The following PARD3 variants were observed in gnomAD, a reference collection of about 807,000 sequenced individuals.
PARD3 encodes the protein partitioning defective 3 homolog.
Under a neutral mutation model 155.4 loss-of-function variants are expected in PARD3, and 75 were observed. The observed-to-expected ratio is 0.48, with a 90% CI of 0.40 to 0.58. The LOEUF is 0.58. Ranked by LOEUF, PARD3 falls within the 20% of genes least tolerant of loss-of-function variation. The pLI is 0.00. For missense variants in PARD3, 1,642 were observed against 1,721.7 expected (o/e 0.95, Z 0.82); for synonymous variants, 576 against 610.5 (o/e 0.94, Z 0.83).
intron 1 of PARD3, among the ~76,000 whole-genome samples, chr10:34,812,464 A>T (rs1844310460): frequency 6.6e-6 from 1 of 152,258 alleles, no homozygotes; most frequent in South Asian, 2.1e-4. Context: ...ATAAAAGTTA[A>T]AACAGTGTTA....
intron 5 of PARD3, among the ~76,000 whole-genome samples, chr10:34,430,889 G>C (rs998899545): frequency 2.6e-5 from 4 of 152,192 alleles, no homozygotes; most frequent in African/African-American, 9.6e-5. Flanking sequence ...CACAGGGTGT[G>C]ACACAGAGGG....
chr10:34,619,776 T>C (rs2091515785), intron 2 of PARD3, among the ~76,000 whole-genome samples: 1 of 152,206 alleles, frequency 6.6e-6, no homozygotes, highest in Non-Finnish European at 1.5e-5. Context: ...ATATTTCTAC[T>C]GCTCACCCTT....
At chr10:34,454,548 AATG>A (rs747299904) in intron 4 of PARD3, among the ~76,000 whole-genome samples, 45 of 152,298 alleles carry the variant, frequency 3.0e-4, no homozygotes, top group Admixed American at 2.0e-3. Context: ...ACATAATTCT[AATG>A]ATTATAAAAC....
At chr10:34,380,831 T>C (rs1841747037) in intron 9 of PARD3, among the ~76,000 whole-genome samples, 2 of 152,196 alleles carry the variant, frequency 1.3e-5, no homozygotes, top group Non-Finnish European at 1.5e-5. Flanking sequence ...AGCAAAATAC[T>C]GTACCTTTGT....
chr10:34,756,948 G>C (rs1327376720), intron 1 of PARD3, among the ~76,000 whole-genome samples: 1 of 152,026 alleles, frequency 6.6e-6, no homozygotes, highest in African/African-American at 2.4e-5. Context: ...TCAAATTTTA[G>C]ACTCAAATCA....
At chr10:34,235,614 TGACTGACATA>T (rs1255642942) in intron 22 of PARD3, among the ~76,000 whole-genome samples, 2 of 152,244 alleles carry the variant, frequency 1.3e-5, no homozygotes, top group Non-Finnish European at 2.9e-5. Context: ...TGAGTTCTAA[TGACTGACATA>T]AACAAACAAA....
chr10:34,703,498 A>G (rs1055985365), intron 1 of PARD3, among the ~76,000 whole-genome samples: 3 of 152,162 alleles, frequency 2.0e-5, no homozygotes. Flanking sequence ...AAAGGCTAAT[A>G]ATAAAATTAG....
chr10:34,227,852 T>TATATATATATATATATA (rs1554813974), intron 22 of PARD3, among the ~76,000 whole-genome samples: 1 of 31,392 alleles, frequency 3.2e-5, no homozygotes, highest in African/African-American at 1.2e-4. Flanking sequence ...ATGGGAATTA[T>TATATATATATATATATA]TTTTTATATA....
chr10:34,185,167 G>A (rs1588672529), intron 22 of PARD3, among the ~76,000 whole-genome samples: 1 of 152,280 alleles, frequency 6.6e-6, no homozygotes, highest in South Asian at 2.1e-4. Context: ...TAGATTGGAT[G>A]AGCTATTAAT....
intron 24 of PARD3, among the ~76,000 whole-genome samples, chr10:34,114,895 T>A (rs761428662): frequency 6.6e-6 from 1 of 152,184 alleles, no homozygotes; most frequent in Non-Finnish European, 1.5e-5. Flanking sequence ...AACCAACATA[T>A]AGGATTGTTT....
intron 2 of PARD3, among the ~76,000 whole-genome samples, chr10:34,688,538 G>C (rs536006234): frequency 1.3e-5 from 2 of 152,250 alleles, no homozygotes; most frequent in South Asian, 2.1e-4. Context: ...GAGTAAACAC[G>C]ACATCACTGT....
chr10:34,481,122 G>GT (rs1408867761), intron 3 of PARD3, among the ~76,000 whole-genome samples: 1 of 152,116 alleles, frequency 6.6e-6, no homozygotes, highest in African/African-American at 2.4e-5. Flanking sequence ...TCTAATACAG[G>GT]TAAGTTTTGT....
Position 34,110,271 on chromosome 10 carries a change from T to TG in PARD3, c.*897dup, listed in dbSNP as rs1249161710. 2.0e-5 allele frequency: 3 copies of TG among 152,238 alleles called. No individual in the cohort carries two copies. The highest frequency in any genetic ancestry group is 7.2e-5 in the African/African-American group (3 of 41,446). 9.4% of individuals were successfully genotyped at this position (152,238 alleles called of 1,614,324 possible). A position where few individuals can be genotyped will look rare whatever the true frequency, so the allele number is the denominator to read the frequency against. On this transcript the variant is annotated 3_prime_UTR_variant, in exon 25 of 25. Coordinates refer to ENST00000374788, the MANE Select transcript of PARD3 (RefSeq NM_001184785.2). Reference sequence around the variant, plus strand: ...TCTCTGTCCCATTCTGTGCCCTTCCTGACAAGCTGTCAGAACAAAAACTAA... The same window carrying TG: ...TCTCTGTCCCATTCTGTGCCCTTCCTGGACAAGCTGTCAGAACAAAAACTAA...
chr10:34,782,575 T>G (rs1840369710), intron 1 of PARD3, among the ~76,000 whole-genome samples: 2 of 152,224 alleles, frequency 1.3e-5, no homozygotes, highest in Non-Finnish European at 1.5e-5. Context: ...TCGAAAGACT[T>G]AACAGTAGAC....
chr10:34,640,926 A>G (rs1433985287), intron 2 of PARD3, among the ~76,000 whole-genome samples: 1 of 152,224 alleles, frequency 6.6e-6, no homozygotes, highest in Middle Eastern at 3.4e-3. Context: ...TAAACATGTA[A>G]TAATTTTCAT....
intron 22 of PARD3, among the ~76,000 whole-genome samples, chr10:34,210,195 G>C (rs549063416): frequency 5.3e-5 from 8 of 152,140 alleles, no homozygotes; most frequent in African/African-American, 1.7e-4. Context: ...GCAAAAACAG[G>C]TCATGTGTGC....
At chr10:34,512,227 C>T (rs921568391) in intron 3 of PARD3, among the ~76,000 whole-genome samples, 33 of 152,230 alleles carry the variant, frequency 2.2e-4, no homozygotes, top group African/African-American at 7.7e-4. Flanking sequence ...CGTGAAACCA[C>T]ACTACAAGGA....
At chr10:34,458,873 AC>A (rs991580172) in intron 4 of PARD3, among the ~76,000 whole-genome samples, 71 of 152,180 alleles carry the variant, frequency 4.7e-4, no homozygotes, top group African/African-American at 1.7e-3. Context: ...CCCTAGAGCC[AC>A]CAGCATTCCA....
chr10:34,684,880 C>CACAT (rs1554810265), intron 2 of PARD3, among the ~76,000 whole-genome samples: 3 of 83,196 alleles, frequency 3.6e-5, no homozygotes, highest in Admixed American at 1.2e-4. Flanking sequence ...CACACACATA[C>CACAT]ACACACACAC....
Sources: gnomAD v4.1 joint callset for allele counts (sites outside exome capture counted in the v4.1 genomes callset) on GRCh38, gnomAD v4.1.1 for gene constraint, MANE v1.5 for transcripts, NCBI Gene and HGNC (gene_info 2026-07-23, HGNC 2026-07-21) for gene names.